The following C11orf54 variants were observed in gnomAD, a reference collection of about 807,000 sequenced individuals.
The protein encoded by C11orf54 is beta-keto L-gulonate decarboxylase.
C11orf54 carries 29 observed loss-of-function variants against 35.5 expected under a neutral mutation model. The ratio of observed to expected loss-of-function variants is 0.82; its 90% CI spans 0.61 to 1.11. C11orf54 has a LOEUF of 1.11. C11orf54 is among the 50% of genes most tolerant of loss of function. C11orf54 has a pLI of 0.00. For missense variants in C11orf54, 373 were observed against 369.2 expected (o/e 1.01, Z -0.08); for synonymous variants, 108 against 121.1 (o/e 0.89, Z 0.71).
At chr11:93,743,880 A>G (rs369959988) in intron 1 of C11orf54, among the ~76,000 whole-genome samples, 3 of 152,130 alleles carry the variant, frequency 2.0e-5, no homozygotes, top group East Asian at 3.9e-4. Flanking sequence ...TAGGCAGGAA[A>G]ATACTGTTTG....
intron 1 of C11orf54, among the ~76,000 whole-genome samples, chr11:93,745,241 T>C (rs1942395919): frequency 6.6e-6 from 1 of 152,112 alleles, no homozygotes; most frequent in South Asian, 2.1e-4. Flanking sequence ...CCTTTATGGG[T>C]GTCAGGCTGG....
Position 93,754,017 on chromosome 11 carries a change from A to T in C11orf54, c.310A>T (p.Thr104Ser), listed in dbSNP as rs997004451. The change falls in exon 5 of 9, where the codon ACT becomes TCT. Residue 104 changes from threonine (T) to serine (S), a missense_variant. By Grantham distance (58) the Thr-to-Ser change is moderately conservative. Coordinates refer to ENST00000354421, the MANE Select transcript of C11orf54 (RefSeq NM_001286069.2). Reference protein sequence around the residue: ...ILGAGAGPFQTLGFNSEFMPV... With the variant: ...ILGAGAGPFQSLGFNSEFMPV... ...TGGAGCAGGAGCAGGTCCATTTCAG[A>T]CTCTCGGGTTCAATTCTGAGGTCAG... 6.2e-7 allele frequency: 1 copy of T among 1,613,904 alleles called. No individual in the cohort carries two copies.
At chr11:93,760,315 A>G (rs1218207088) in intron 8 of C11orf54, among the ~76,000 whole-genome samples, 1 of 152,196 alleles carries the variant, frequency 6.6e-6, no homozygotes, top group Non-Finnish European at 1.5e-5. Flanking sequence ...GCTCTTCACC[A>G]TCCTATGAGT....
chr11:93,761,448 T>C, intron 8 of C11orf54, 67 bp from the exon 9 acceptor site: 2 of 1,412,454 alleles, frequency 1.4e-6, no homozygotes, highest in South Asian at 2.9e-5. Context: ...ACGTAAAAAG[T>C]TATCCCTCCC....
rs1943492187 is a variant in C11orf54 at position 93,761,763 on chromosome 11, T to C, written c.*75T>C. On this transcript the variant is annotated 3_prime_UTR_variant, in exon 9 of 9. Coordinates refer to ENST00000354421, the MANE Select transcript of C11orf54 (RefSeq NM_001286069.2). ...ATTGACTTATTAATTAATACTGATA[T>C]AAAACCAATAGAAATGATCCCACAG... 2 of 1,349,972 alleles carry C rather than the reference T, an allele frequency of 1.5e-6. No homozygotes were observed. The highest frequency in any genetic ancestry group is 2.0e-6 in the Non-Finnish European group (2 of 1,006,474). 83.6% of individuals were successfully genotyped at this position (1,349,972 alleles called of 1,614,324 possible).
chr11:93,752,577 C>CTTTTTCTTTCTAA (rs890538483), intron 3 of C11orf54, among the ~76,000 whole-genome samples: 21 of 151,876 alleles, frequency 1.4e-4, no homozygotes, highest in African/African-American at 5.1e-4. Flanking sequence ...TTCCTGGTTC[C>CTTTTTCTTTCTAA]TTTTTCTTTC....
chr11:93,752,940 G>A (rs1942923667), intron 3 of C11orf54, among the ~76,000 whole-genome samples: 2 of 151,804 alleles, frequency 1.3e-5, no homozygotes, highest in Non-Finnish European at 2.9e-5. Flanking sequence ...TAAAGATGGG[G>A]TTTCACCGTG....
Position 93,761,604 on chromosome 11 carries a change from G to A in C11orf54, c.864G>A (p.Val288=). ...ATTATGACACTACTCCAGATATAGTGGAATATCTTGGATACTTCTTACCTG... is the reference window on the plus strand; with the variant it reads ...ATTATGACACTACTCCAGATATAGTAGAATATCTTGGATACTTCTTACCTG... ...HYHYDTTPDI[V]EYLGYFLPAE... is the part of the protein sequence containing the mutation. Residue 288 remains valine (V), a synonymous_variant, in exon 9 of 9, where the codon GTG becomes GTA. Coordinates refer to ENST00000354421, the MANE Select transcript of C11orf54 (RefSeq NM_001286069.2). 2 of 1,612,522 alleles carry A rather than the reference G, an allele frequency of 1.2e-6. No individual in the cohort carries two copies. Among genetic ancestry groups the A allele is most frequent in the South Asian group, 2.2e-5 (2 of 90,962 alleles).
chr11:93,742,811 G>A (rs1206610821), intron 1 of C11orf54: 1 of 152,146 alleles, frequency 6.6e-6, no homozygotes, highest in Non-Finnish European at 1.5e-5. Flanking sequence ...CTCCAGGACT[G>A]GTATGGCATG....
intron 3 of C11orf54, 62 bp from the exon 4 acceptor site, chr11:93,753,620 T>G: frequency 1.4e-6 from 2 of 1,406,386 alleles, no homozygotes; most frequent in Non-Finnish European, 2.0e-6. Context: ...ATTTTATTAT[T>G]AAATTAGATG....
Position 93,755,393 on chromosome 11 carries a change from G to T in C11orf54, c.507+7G>T. ...TGAAGGCCAACCTGGCAAGGTGATT[G>T]TGTCCATAAAAATACAATATTCCCT... On this transcript the variant is annotated splice_region_variant and intron_variant, in intron 6 of 8. Coordinates refer to ENST00000354421, the MANE Select transcript of C11orf54 (RefSeq NM_001286069.2). 1 of 1,612,030 alleles carries T rather than the reference G, an allele frequency of 6.2e-7. No individual in the cohort carries two copies.
chr11:93,751,798 G>T (rs895959717), intron 3 of C11orf54, among the ~76,000 whole-genome samples: 2 of 142,756 alleles, frequency 1.4e-5, no homozygotes, highest in African/African-American at 5.1e-5. Context: ...AAGAGTACAA[G>T]AAAGAAGGAA....
At position 93,761,849 on chromosome 11, in the gene C11orf54, C is replaced by T. The variant is rs973337015; in HGVS notation, c.*161C>T. The T allele has an allele frequency of 1.9e-5, 11 of 583,552 alleles. No homozygotes were observed. Among genetic ancestry groups the T allele is most frequent in the African/African-American group, 1.7e-4 (9 of 51,934 alleles). The allele number at this position is 583,552 out of a possible 1,614,324, so 36.1% of individuals were successfully genotyped here. ...CTTTGGGAGGCTGAGGCAGGAAGCA[C>T]ACTGGAGCCCAGGAGTTTGAGACCA... On this transcript the variant is annotated 3_prime_UTR_variant, in exon 9 of 9. Coordinates refer to ENST00000354421, the MANE Select transcript of C11orf54 (RefSeq NM_001286069.2).
intron 3 of C11orf54, among the ~76,000 whole-genome samples, chr11:93,752,261 T>C (rs776566308): frequency 1.3e-4 from 20 of 152,142 alleles, no homozygotes; most frequent in Non-Finnish European, 2.1e-4. Context: ...GCATCTAATA[T>C]GTGTATGTAT....
intron 5 of C11orf54, 178 bp from the exon 6 acceptor site, chr11:93,755,032 C>T (rs1297759876): frequency 2.1e-5 from 13 of 631,188 alleles, no homozygotes; most frequent in South Asian, 9.2e-5. Context: ...CCACAGCGCC[C>T]GGCCTATAAA....
chr11:93,746,632 A>G (rs1470244990), intron 1 of C11orf54: 1 of 152,254 alleles, frequency 6.6e-6, no homozygotes, highest in Non-Finnish European at 1.5e-5. Flanking sequence ...AAATCTATTT[A>G]CCAAGAAAGT....
chr11:93,749,704 T>G (rs760562800), intron 2 of C11orf54, among the ~76,000 whole-genome samples: 1 of 152,108 alleles, frequency 6.6e-6, no homozygotes, highest in Non-Finnish European at 1.5e-5. Flanking sequence ...ATTAATAACT[T>G]TGAGACACCT....
intron 1 of C11orf54, among the ~76,000 whole-genome samples, chr11:93,743,184 A>G (rs1942233399): frequency 6.6e-6 from 1 of 151,996 alleles, no homozygotes; most frequent in South Asian, 2.1e-4. Flanking sequence ...TACTTTTAGT[A>G]GAGACCAGGT....
Position 93,761,770 on chromosome 11 carries a change from A to G in C11orf54, c.*82A>G. On this transcript the variant is annotated 3_prime_UTR_variant, in exon 9 of 9. Transcript: ENST00000354421. ...TATTAATTAATACTGATATAAAACCAATAGAAATGATCCCACAGGCCAGGC... is the reference window on the plus strand; with the variant it reads ...TATTAATTAATACTGATATAAAACCGATAGAAATGATCCCACAGGCCAGGC... 7.6e-7 allele frequency: 1 copy of G among 1,309,828 alleles called. No individual in the cohort carries two copies. Among genetic ancestry groups the G allele is most frequent in the African/African-American group, 1.5e-5 (1 of 66,032 alleles). 81.1% of individuals were successfully genotyped at this position (1,309,828 alleles called of 1,614,324 possible).
Sources: gnomAD v4.1 joint callset for allele counts (sites outside exome capture counted in the v4.1 genomes callset) on GRCh38, gnomAD v4.1.1 for gene constraint, MANE v1.5 for transcripts, NCBI Gene and HGNC (gene_info 2026-07-23, HGNC 2026-07-21) for gene names.